The following ACTC1 variants were observed in gnomAD, a reference collection of about 807,000 sequenced individuals.
ACTC1 encodes the protein actin, alpha cardiac muscle 1.
Under a neutral mutation model 31.6 loss-of-function variants are expected in ACTC1, and 10 were observed. The ratio of observed to expected loss-of-function variants is 0.32; its 90% CI spans 0.19 to 0.54. The LOEUF (loss-of-function observed/expected upper bound fraction) is 0.54, where lower values mean the gene tolerates loss of function less well. Ranked by LOEUF, ACTC1 falls within the 20% of genes least tolerant of loss-of-function variation. The pLI is 0.95. For synonymous variants in ACTC1, 196 were observed against 185.0 expected (o/e 1.06, Z -0.48); for missense variants, 129 against 506.4 (o/e 0.25, Z 7.15).
At chr15:34,794,901 G>A in intron 1 of ACTC1, 71 bp from the exon 2 acceptor site, 6 of 1,265,128 alleles carry the variant, frequency 4.7e-6, no homozygotes, top group Non-Finnish European at 6.4e-6. Flanking sequence ...GCACCCAGAG[G>A]ACAGGACAGA....
chr15:34,792,640 C>A lies in ACTC1; in HGVS notation c.455-71G>T. ...CACCACTGCTCTAGCCACGGCAAAGCCCGCTTCCAATCTTGGCTAAGAGAT... is the reference window on the plus strand; with the variant it reads ...CACCACTGCTCTAGCCACGGCAAAGACCGCTTCCAATCTTGGCTAAGAGAT... On this transcript the variant is annotated intron_variant, in intron 3 of 6. Transcript: ENST00000290378. This position sits in a 1 kb window ranked among gnomAD's most constrained non-coding sequence, Gnocchi z 5.3. 1 of 1,555,408 alleles carries A rather than the reference C, an allele frequency of 6.4e-7. No homozygotes were observed.
In ACTC1 at chr15:34,793,650, G is replaced by C; in HGVS notation, c.130-81C>G. 1 of 1,293,224 alleles carries C rather than the reference G, an allele frequency of 7.7e-7. No individual in the cohort carries two copies. Among genetic ancestry groups the C allele is most frequent in the South Asian group, 1.2e-5 (1 of 80,986 alleles). 80.1% of individuals were successfully genotyped at this position (1,293,224 alleles called of 1,614,324 possible). A position where few individuals can be genotyped will look rare whatever the true frequency, so the allele number is the denominator to read the frequency against. On this transcript the variant is annotated intron_variant, in intron 2 of 6. Coordinates refer to ENST00000290378, the MANE Select transcript of ACTC1 (RefSeq NM_005159.5). This position sits in a 1 kb window ranked among gnomAD's most constrained non-coding sequence, Gnocchi z 4.8. ...GTGTCTTGTCCATTTATATCTAACT[G>C]CCCAAGTCAAGGAACATATTTAAAT... is the stretch of plus-strand genomic sequence containing the variant.
rs1474432171 is a variant in ACTC1, at chr15:34,793,782, G to A, written c.130-213C>T. Among the ~76,000 whole-genome samples, 2 of 152,116 alleles carry A rather than the reference G, an allele frequency of 1.3e-5. No homozygotes were observed. Among genetic ancestry groups the A allele is most frequent in the Non-Finnish European group, 2.9e-5 (2 of 68,008 alleles). ...CCCAAAGATGTATAATTCTATTGTT[G>A]AGAATATAACTCAGGAGAGAATGAA... is the stretch of plus-strand genomic sequence containing the variant. On this transcript the variant is annotated intron_variant, in intron 2 of 6. Transcript: ENST00000290378. The surrounding 1 kb of genome is among the most constrained non-coding windows in gnomAD (Gnocchi z 4.8).
In ACTC1 at chr15:34,792,502, G is replaced by A; in HGVS notation, c.522C>T (p.Pro174=). The change falls in exon 4 of 7, where the codon CCC becomes CCT. Residue 174 remains proline (P), a synonymous_variant. Transcript: ENST00000290378. This position sits in a 1 kb window ranked among gnomAD's most constrained non-coding sequence, Gnocchi z 5.3. The stretch of plus-strand genomic sequence containing the variant: ...CCAGATCCAGACGCATGATGGCATG[G>A]GGCAAAGCGTAGCCCTCATAGATGG... ...NVPIYEGYAL[P]HAIMRLDLAG... is the part of the protein sequence containing the mutation. The A allele has an allele frequency of 6.2e-7, 1 of 1,614,106 alleles. No individual in the cohort carries two copies. The highest frequency in any genetic ancestry group is 1.1e-5 in the South Asian group (1 of 91,084).
chr15:34,791,406 G>A (rs1038835043), intron 5 of ACTC1, 111 bp from the exon 6 acceptor site: 5 of 1,414,986 alleles, frequency 3.5e-6, no homozygotes, highest in African/African-American at 2.8e-5. Flanking sequence ...TTCTTTGTGT[G>A]GGGGAGCTGT....
rs367741848 is a variant in ACTC1 at position 34,791,665 on chromosome 15, T to A, written c.809-370A>T. 10 of 332,300 alleles carry A rather than the reference T, an allele frequency of 3.0e-5. No individual in the cohort carries two copies. The South Asian group carries it at 4.1e-4, about 14-fold the overall frequency. The allele number at this position is 332,300 out of a possible 1,614,324, so 20.6% of individuals were successfully genotyped here. A position where few individuals can be genotyped will look rare whatever the true frequency, so the allele number is the denominator to read the frequency against. ...AATCAGATCCTGACAAAGTTCCTTA[T>A]GGAAAGCATTGCTTAGGAAGGATAT... On this transcript the variant is annotated intron_variant, in intron 5 of 6. Coordinates refer to ENST00000290378, the MANE Select transcript of ACTC1 (RefSeq NM_005159.5).
At position 34,793,389 on chromosome 15, in the gene ACTC1, G is replaced by T. The variant is rs397517059; in HGVS notation, c.310C>A (p.Pro104Thr). The T allele has an allele frequency of 6.2e-7, 1 of 1,614,122 alleles. No homozygotes were observed. Among genetic ancestry groups the T allele is most frequent in the Non-Finnish European group, 8.5e-7 (1 of 1,180,014 alleles). The stretch of plus-strand genomic sequence containing the variant: ...AGCGGGGCCTCTGTGAGCAGGGTGG[G>T]GTGCTCCTCGGGAGCCACACGGAGC... The part of the protein sequence containing the change: ...NELRVAPEEH[P>T]TLLTEAPLNP... The change falls in exon 3 of 7, where the codon CCC becomes ACC. Residue 104 changes from proline to threonine, a missense_variant. Pro to Thr is a conservative substitution (Grantham distance 38). This residue lies in a region of ACTC1 where 35 missense variants were observed against 102.3 expected (regional missense o/e 0.34). Transcript: ENST00000290378. The surrounding 1 kb of genome is among the most constrained non-coding windows in gnomAD (Gnocchi z 4.8).
intron 5 of ACTC1, 106 bp downstream of exon 5, chr15:34,791,984 T>C (rs1014152236): frequency 1.8e-5 from 23 of 1,251,880 alleles, no homozygotes; most frequent in Middle Eastern, 5.2e-4. Context: ...ATCCAAACTA[T>C]GACTTCTTTT....
Position 34,793,559 on chromosome 15 carries a change from A to G in ACTC1, c.140T>C (p.Val47Ala). ...VGRPRHQGVMVGMGQKDSYVG... is the reference protein window; with the variant it reads ...VGRPRHQGVMAGMGQKDSYVG... ...GTAGGAGTCCTTCTGACCCATACCC[A>G]CCATAACTCCCTATGAGAAGAAAAA... Residue 47 changes from valine (V) to alanine (A), a missense_variant, in exon 3 of 7, where the codon GTG (valine) becomes GCG (alanine). By Grantham distance (64) the Val-to-Ala change is moderately conservative (BLOSUM62 0). Around this residue, in one of 5 missense-constraint regions of ACTC1, gnomAD observed 35 missense variants for 102.3 expected, o/e 0.34. Coordinates refer to ENST00000290378, the MANE Select transcript of ACTC1 (RefSeq NM_005159.5). The surrounding 1 kb of genome is among the most constrained non-coding windows in gnomAD (Gnocchi z 4.8). 6.2e-7 allele frequency: 1 copy of G among 1,613,976 alleles called. No homozygotes were observed. Among genetic ancestry groups the G allele is most frequent in the Non-Finnish European group, 8.5e-7 (1 of 1,179,978 alleles).
rs1891731756 is a variant in ACTC1 at position 34,792,768 on chromosome 15, T to C, written c.455-199A>G. On this transcript the variant is annotated intron_variant, in intron 3 of 6. Transcript: ENST00000290378. The surrounding 1 kb of genome is among the most constrained non-coding windows in gnomAD (Gnocchi z 5.3). Reference sequence around the variant, plus strand: ...ATCTGAAGCAAACTGCAGCTCATCTTTTTAACTATTATAGTAGAAAAAATT... The same window carrying C: ...ATCTGAAGCAAACTGCAGCTCATCTCTTTAACTATTATAGTAGAAAAAATT... 3 of 625,226 alleles carry C rather than the reference T, an allele frequency of 4.8e-6. No homozygotes were observed. Among genetic ancestry groups the C allele is most frequent in the Non-Finnish European group, 8.4e-6 (3 of 357,428 alleles). 38.7% of individuals were successfully genotyped at this position (625,226 alleles called of 1,614,324 possible).
rs1891704486 is a variant in ACTC1, at chr15:34,791,371, C to T, written c.809-76G>A. ...CACACACATCACAGTGCATTCAGGT[C>T]AAGGTAGAGGGAAGAGAACAGAACT... On this transcript the variant is annotated intron_variant, in intron 5 of 6. Coordinates refer to ENST00000290378, the MANE Select transcript of ACTC1 (RefSeq NM_005159.5). The T allele has an allele frequency of 1.9e-6, 3 of 1,560,864 alleles. No individual in the cohort carries two copies. In the East Asian group the frequency reaches 6.8e-5, roughly 35 times the overall value.
chr15:34,790,546 G>T lies in ACTC1; in HGVS notation c.1000C>A (p.Pro334Thr). 1 of 1,613,962 alleles carries T rather than the reference G, an allele frequency of 6.2e-7. No individual in the cohort carries two copies. Among genetic ancestry groups the T allele is most frequent in the Non-Finnish European group, 8.5e-7 (1 of 1,179,964 alleles). Residue 334 changes from proline (P) to threonine (T), a missense_variant, in exon 7 of 7, where the codon CCC (proline) becomes ACC (threonine). This residue lies in a region of ACTC1 where 44 missense variants were observed against 127.4 expected (regional missense o/e 0.35). Coordinates refer to ENST00000290378, the MANE Select transcript of ACTC1 (RefSeq NM_005159.5). The part of the protein sequence containing the change: ...PSTMKIKIIA[P>T]PERKYSVWIG... The stretch of plus-strand genomic sequence containing the variant: ...CAGACAGAGTATTTACGCTCAGGGG[G>T]AGCAATAATCTGCAGAAAGAAAACA...
At chr15:34,791,410 G>A in intron 5 of ACTC1, 115 bp from the exon 6 acceptor site, 1 of 1,387,790 alleles carries the variant, frequency 7.2e-7, no homozygotes, top group Non-Finnish European at 1.0e-6. Flanking sequence ...TTGTGTGGGG[G>A]AGCTGTCACC....
intron 6 of ACTC1, 78 bp downstream of exon 6, chr15:34,791,036 G>A: frequency 1.5e-6 from 2 of 1,375,792 alleles, no homozygotes; most frequent in Non-Finnish European, 1.0e-6. Flanking sequence ...TGAGTATGAG[G>A]GAAAAGGAAT....
Position 34,792,641 on chromosome 15 carries a change from C to T in ACTC1, c.455-72G>A. Reference sequence around the variant, plus strand: ...ACCACTGCTCTAGCCACGGCAAAGCCCGCTTCCAATCTTGGCTAAGAGATG... The same window carrying T: ...ACCACTGCTCTAGCCACGGCAAAGCTCGCTTCCAATCTTGGCTAAGAGATG... On this transcript the variant is annotated intron_variant, in intron 3 of 6. Coordinates refer to ENST00000290378, the MANE Select transcript of ACTC1 (RefSeq NM_005159.5). This position sits in a 1 kb window ranked among gnomAD's most constrained non-coding sequence, Gnocchi z 5.3. 6.4e-7 allele frequency: 1 copy of T among 1,551,664 alleles called. No homozygotes were observed.
rs1595761325 is a variant in ACTC1, at chr15:34,793,310, T to C, written c.389A>G (p.Asn130Ser). Reference sequence around the variant, plus strand: ...GATGGCCACGTACATGGCAGGGACATTGAAGGTCTCAAACATGATCTGAGT... The same window carrying C: ...GATGGCCACGTACATGGCAGGGACACTGAAGGTCTCAAACATGATCTGAGT... ...KMTQIMFETF[N>S]VPAMYVAIQA... is the part of the protein sequence containing the mutation. The change falls in exon 3 of 7, where the codon AAT becomes AGT. Residue 130 changes from asparagine to serine, a missense_variant. Around this residue, in one of 5 missense-constraint regions of ACTC1, gnomAD observed 37 missense variants for 228.6 expected, o/e 0.16. Transcript: ENST00000290378. The surrounding 1 kb of genome is among the most constrained non-coding windows in gnomAD (Gnocchi z 4.8). 3 of 1,614,156 alleles carry C rather than the reference T, an allele frequency of 1.9e-6. No individual in the cohort carries two copies. Among genetic ancestry groups the C allele is most frequent in the East Asian group, 2.2e-5 (1 of 44,886 alleles).
intron 6 of ACTC1, 39 bp downstream of exon 6, chr15:34,791,075 A>G: frequency 6.4e-7 from 1 of 1,551,430 alleles, no homozygotes; most frequent in Non-Finnish European, 8.8e-7. Flanking sequence ...TAGAATACCA[A>G]GACTTGCCTC....
At chr15:34,794,656 C>CGG (rs148433308) in intron 2 of ACTC1, 24 bp downstream of exon 2, 1 of 1,607,204 alleles carries the variant, frequency 6.2e-7, no homozygotes, top group African/African-American at 1.3e-5. Flanking sequence ...CCGAGTGGGA[C>CGG]GGGGGGCTCG....
Position 34,792,686 on chromosome 15 carries a change from CAG to C in ACTC1, c.455-119_455-118del. ...GAGATGCTAGCAATGGGCATTGATC[CAG>C]ATAAAATTAGATTCCTTACACACAA... On this transcript the variant is annotated intron_variant, in intron 3 of 6. Coordinates refer to ENST00000290378, the MANE Select transcript of ACTC1 (RefSeq NM_005159.5). The surrounding 1 kb of genome is among the most constrained non-coding windows in gnomAD (Gnocchi z 5.3). 1.8e-6 allele frequency: 2 copies of C among 1,100,028 alleles called. No homozygotes were observed. The highest frequency in any genetic ancestry group is 1.3e-5 in the South Asian group (1 of 75,872). 68.1% of individuals were successfully genotyped at this position (1,100,028 alleles called of 1,614,324 possible).
Sources: allele counts gnomAD v4.1 joint callset (sites outside exome capture counted in the v4.1 genomes callset), GRCh38; gene constraint gnomAD v4.1.1; regional missense constraint gnomAD v4.1.1; non-coding constraint Gnocchi (gnomAD v3.1); transcripts MANE v1.5; gene names NCBI Gene and HGNC (gene_info 2026-07-23, HGNC 2026-07-21).